XKR9: variants seen among roughly 807,000 people sequenced by gnomAD.
The protein encoded by XKR9 is XK related 9, also known as XK-related protein 9.
XKR9 carries 32 observed loss-of-function variants against 32.0 expected under a neutral mutation model. The ratio of observed to expected loss-of-function variants is 1.00; its 90% CI spans 0.76 to 1.34. The LOEUF (loss-of-function observed/expected upper bound fraction) is 1.34. XKR9 is among the 40% of genes most tolerant of loss of function. The pLI is 0.00. For missense variants in XKR9, 546 were observed against 429.7 expected (o/e 1.27, Z -2.39); for synonymous variants, 168 against 143.4 (o/e 1.17, Z -1.22).
the XKR9 span, among the ~76,000 whole-genome samples, chr8:70,812,808 G>A: frequency 2.0e-5 from 3 of 152,154 alleles, no homozygotes; most frequent in Non-Finnish European, 4.4e-5. Flanking sequence ...CAAACAAATG[G>A]AAGAACATTC....
the XKR9 span, among the ~76,000 whole-genome samples, chr8:70,960,333 A>G: frequency 1.6e-4 from 24 of 152,190 alleles, no homozygotes; most frequent in Non-Finnish European, 2.6e-4. Context: ...CCCTTCTACA[A>G]ATAGCACCCA....
the XKR9 span, among the ~76,000 whole-genome samples, chr8:70,940,574 G>A: frequency 3.9e-5 from 6 of 152,006 alleles, no homozygotes; most frequent in Non-Finnish European, 8.8e-5. Context: ...TTACAAAGAA[G>A]ATAATAAATG....
chr8:70,728,644 A>G (rs1806557655), intron 4 of XKR9, among the ~76,000 whole-genome samples: 1 of 152,214 alleles, frequency 6.6e-6, no homozygotes, highest in African/African-American at 2.4e-5. Context: ...AAGAACAGCT[A>G]ACAACAGGTG....
the XKR9 span, among the ~76,000 whole-genome samples, chr8:70,881,431 C>T: frequency 1.3e-5 from 2 of 151,866 alleles, no homozygotes. Context: ...AAGAAAAAAA[C>T]AACCCCATCA....
the XKR9 span, among the ~76,000 whole-genome samples, chr8:70,849,878 A>T: frequency 6.6e-6 from 1 of 152,162 alleles, no homozygotes; most frequent in African/African-American, 2.4e-5. Context: ...GAAGAAATGG[A>T]TAAATTTCTG....
the XKR9 span, among the ~76,000 whole-genome samples, chr8:71,005,556 G>A: frequency 1.3e-5 from 2 of 152,146 alleles, no homozygotes; most frequent in Non-Finnish European, 2.9e-5. Context: ...AAAGAACTGA[G>A]CCAGATTTCT....
intron 2 of XKR9, among the ~76,000 whole-genome samples, chr8:70,677,000 A>G (rs914635103): frequency 1.3e-5 from 2 of 152,228 alleles, no homozygotes; most frequent in Non-Finnish European, 2.9e-5. Flanking sequence ...AATTATCTAC[A>G]TTTAAAATCA....
chr8:71,035,607 A>G, the XKR9 span, among the ~76,000 whole-genome samples: 3 of 152,204 alleles, frequency 2.0e-5, no homozygotes, highest in African/African-American at 4.8e-5. Flanking sequence ...GAGCACATCT[A>G]TCCTTTGACA....
chr8:70,952,787 C>A, the XKR9 span, among the ~76,000 whole-genome samples: 65 of 152,348 alleles, frequency 4.3e-4, no homozygotes, highest in African/African-American at 1.5e-3. Flanking sequence ...CAGAGTAACC[C>A]AGCCTGATAG....
the XKR9 span, among the ~76,000 whole-genome samples, chr8:70,849,852 T>A: frequency 1.3e-5 from 2 of 152,122 alleles, no homozygotes. Context: ...TCTCCACAAA[T>A]AAGCTGGAAA....
chr8:70,976,648 A>G, the XKR9 span, among the ~76,000 whole-genome samples: 2 of 152,238 alleles, frequency 1.3e-5, no homozygotes, highest in African/African-American at 2.4e-5. Context: ...TTTCACATCA[A>G]TGTTCAACAG....
rs182129438 is a variant in XKR9, at chr8:70,675,666, A to G, written c.-279+767A>G. Among the ~76,000 whole-genome samples, 24 of 152,348 alleles carry G rather than the reference A, an allele frequency of 1.6e-4. No homozygotes were observed. The East Asian group carries it at 4.4e-3, about 28-fold the overall frequency. On this transcript the variant is annotated intron_variant, in intron 2 of 4. Transcript: ENST00000408926. The stretch of plus-strand genomic sequence containing the variant: ...TCATCACTCTGAAGTTCAAACTTCC[A>G]TAGATCTCTAGGGCACAAATACAAT...
chr8:70,878,488 A>T, the XKR9 span, among the ~76,000 whole-genome samples: 1 of 152,202 alleles, frequency 6.6e-6, no homozygotes, highest in Admixed American at 6.5e-5. Flanking sequence ...AAGCAAAAAA[A>T]AAGCAGGGTT....
chr8:70,946,476 A>G, the XKR9 span, among the ~76,000 whole-genome samples: 1 of 152,192 alleles, frequency 6.6e-6, no homozygotes, highest in Non-Finnish European at 1.5e-5. Context: ...CTGCATACAT[A>G]TACCCTACAA....
chr8:71,003,687 A>C, the XKR9 span, among the ~76,000 whole-genome samples: 1,646 of 152,300 alleles, frequency 0.011, 13 homozygotes, highest in Non-Finnish European at 0.018. Flanking sequence ...TAAGTGAATG[A>C]ATACATATGG....
chr8:70,914,988 G>T, the XKR9 span, among the ~76,000 whole-genome samples: 1 of 152,090 alleles, frequency 6.6e-6, no homozygotes, highest in East Asian at 1.9e-4. Context: ...AGGCTCAAAG[G>T]TTGGGTTTTT....
chr8:70,732,467 CTGGATCCATTGCCAGAG>C (rs1299814762), intron 4 of XKR9, among the ~76,000 whole-genome samples: 1 of 152,204 alleles, frequency 6.6e-6, no homozygotes, highest in Non-Finnish European at 1.5e-5. Flanking sequence ...GGGCTGGCCT[CTGGATCCATTGCCAGAG>C]TGGGGCTACT....
At chr8:70,763,377 C>T (rs1297310589) in intron 2 of XKR9, among the ~76,000 whole-genome samples, 1 of 152,140 alleles carries the variant, frequency 6.6e-6, no homozygotes, top group Non-Finnish European at 1.5e-5. Flanking sequence ...TAACTTTTTT[C>T]AGATAACTCT....
At chr8:70,764,677 G>A (rs1240687119) in intron 2 of XKR9, among the ~76,000 whole-genome samples, 1 of 152,038 alleles carries the variant, frequency 6.6e-6, no homozygotes, top group Admixed American at 6.6e-5. Context: ...GTGCCATGGT[G>A]GTTTGCTGCA....
Sources: allele counts gnomAD v4.1 joint callset (sites outside exome capture counted in the v4.1 genomes callset), GRCh38; gene constraint gnomAD v4.1.1; transcripts MANE v1.5; gene names NCBI Gene and HGNC (gene_info 2026-07-23, HGNC 2026-07-21).